Variants in OCLN observed in about 807,000 individuals in gnomAD.
The protein encoded by OCLN is phosphatase 1, regulatory subunit 115.
A neutral mutation model predicts 47.9 loss-of-function variants in OCLN; 21 were observed. That is an observed-to-expected ratio of 0.44 (90% confidence interval 0.31 to 0.63). The LOEUF is 0.63. Ranked by LOEUF, OCLN falls within the 30% of genes least tolerant of loss-of-function variation. The pLI is 0.08. For synonymous variants in OCLN, 117 were observed against 198.4 expected, an observed-to-expected ratio of 0.59 and a Z score of 3.45; for missense variants, 360 against 571.0, an observed-to-expected ratio of 0.63 and a Z score of 3.77.
chr5:69,496,382 G>A (rs549644910), intron 1 of OCLN, among the ~76,000 whole-genome samples: 128 of 152,168 alleles, frequency 8.4e-4, no homozygotes, highest in Non-Finnish European at 1.5e-3. Flanking sequence ...ACAGGCGTGA[G>A]CCACCGCGCC....
At chr5:69,512,036 A>G (rs28421176) in intron 3 of OCLN, among the ~76,000 whole-genome samples, 27 of 147,604 alleles carry the variant, frequency 1.8e-4, no homozygotes, top group Non-Finnish European at 1.0e-4. Context: ...AAAAAAAAAA[A>G]AAAAAAAAAT....
chr5:69,492,633 C>G (rs1270408893), upstream of OCLN: 1 of 152,410 alleles, frequency 6.6e-6, no homozygotes, highest in Admixed American at 6.5e-5. Context: ...GTCCAGAGCG[C>G]CGAGGAGCCG....
chr5:69,532,183 G>A (rs866629221), intron 4 of OCLN, among the ~76,000 whole-genome samples: 25 of 151,168 alleles, frequency 1.7e-4, no homozygotes, highest in Middle Eastern at 3.4e-3. Context: ...AGGCTTTATA[G>A]AATTTGTGGT....
At chr5:69,517,319 T>A (rs1434952001) in intron 4 of OCLN, among the ~76,000 whole-genome samples, 35 of 140,102 alleles carry the variant, frequency 2.5e-4, no homozygotes, top group African/African-American at 7.0e-4. Context: ...TATATATTTT[T>A]TTTTTTTTTG....
chr5:69,509,575 G>A lies in OCLN; in HGVS notation c.485G>A (p.Arg162Lys). The part of the protein sequence containing the change: ...ALVIFVTSVI[R>K]SEMSRTRRYY... The stretch of plus-strand genomic sequence containing the variant: ...GTGATCTTTGTTACCAGTGTTATAA[G>A]ATCTGAAATGTCCAGAACAAGAAGA... The change falls in exon 3 of 9, where the codon AGA (arginine) becomes AAA (lysine). Residue 162 changes from arginine (R) to lysine (K), a missense_variant. Physicochemically the swap from Arg to Lys is conservative, Grantham distance 26. Coordinates refer to ENST00000396442, the MANE Select transcript of OCLN (RefSeq NM_001205254.2). 6.2e-7 allele frequency: 1 copy of A among 1,614,184 alleles called. No homozygotes were observed. The highest frequency in any genetic ancestry group is 8.5e-7 in the Non-Finnish European group (1 of 1,180,034).
chr5:69,514,604 G>A (rs78344280), intron 4 of OCLN, among the ~76,000 whole-genome samples: 70 of 149,204 alleles, frequency 4.7e-4, no homozygotes, highest in South Asian at 1.1e-3. Context: ...GGACAATAGT[G>A]GAGGGAGGGT....
chr5:69,527,170 A>G (rs1333057083), intron 4 of OCLN, among the ~76,000 whole-genome samples: 1 of 152,008 alleles, frequency 6.6e-6, no homozygotes, highest in Non-Finnish European at 1.5e-5. Flanking sequence ...CCAGCTACTC[A>G]GGAGGCTGAG....
chr5:69,533,176 T>G (rs183743387), intron 4 of OCLN, among the ~76,000 whole-genome samples: 1 of 151,728 alleles, frequency 6.6e-6, no homozygotes, highest in Non-Finnish European at 1.5e-5. Flanking sequence ...TGGCTGTGCT[T>G]TTTATGTTTA....
intron 1 of OCLN, among the ~76,000 whole-genome samples, chr5:69,495,664 C>G (rs944995446): frequency 2.6e-5 from 4 of 151,708 alleles, no homozygotes; most frequent in African/African-American, 7.3e-5. Context: ...AAATGATGGT[C>G]AAAATAGACA....
intron 4 of OCLN, among the ~76,000 whole-genome samples, chr5:69,514,979 C>G (rs1208930268): frequency 2.0e-5 from 3 of 152,236 alleles, no homozygotes; most frequent in Non-Finnish European, 4.4e-5. Flanking sequence ...CCGCCTTTCC[C>G]CCCTTTCTAT....
intron 2 of OCLN, among the ~76,000 whole-genome samples, chr5:69,506,236 G>A (rs569595148): frequency 2.0e-5 from 3 of 152,316 alleles, no homozygotes; most frequent in African/African-American, 7.2e-5. Flanking sequence ...CTTGAGCCCA[G>A]GAGTTTGAGG....
chr5:69,519,315 A>T (rs1342205631), intron 4 of OCLN, among the ~76,000 whole-genome samples: 1 of 152,196 alleles, frequency 6.6e-6, no homozygotes, highest in Non-Finnish European at 1.5e-5. Flanking sequence ...CCCACCTCTC[A>T]GAGCAGAGGG....
At chr5:69,522,269 A>AT (rs1769158910) in intron 4 of OCLN, among the ~76,000 whole-genome samples, 2 of 152,016 alleles carry the variant, frequency 1.3e-5, no homozygotes, top group Admixed American at 6.6e-5. Flanking sequence ...TTAAAGTTTT[A>AT]TTTTTTTTAC....
At chr5:69,497,157 G>A (rs1452399464) in intron 1 of OCLN, among the ~76,000 whole-genome samples, 2 of 152,102 alleles carry the variant, frequency 1.3e-5, no homozygotes. Flanking sequence ...ATTGTTGTTA[G>A]TTATTTTCGG....
At chr5:69,535,021 A>G (rs1769544406) in intron 5 of OCLN, among the ~76,000 whole-genome samples, 182 bp downstream of exon 5, 1 of 151,654 alleles carries the variant, frequency 6.6e-6, no homozygotes. Context: ...TACTTGGAAG[A>G]CCAGGATGAG....
At chr5:69,497,427 C>T (rs1768329269) in intron 1 of OCLN, among the ~76,000 whole-genome samples, 4 of 128,566 alleles carry the variant, frequency 3.1e-5, no homozygotes, top group South Asian at 2.6e-4. Context: ...CTCACTGTGT[C>T]GCCAGGCTGG....
At chr5:69,525,735 T>A (rs1769261839) in intron 4 of OCLN, among the ~76,000 whole-genome samples, 1 of 152,192 alleles carries the variant, frequency 6.6e-6, no homozygotes, top group Non-Finnish European at 1.5e-5. Context: ...GCGTGATCAT[T>A]AGTGTCCTTT....
intron 1 of OCLN, among the ~76,000 whole-genome samples, chr5:69,494,185 T>TTGTG (rs71787949): frequency 6.6e-6 from 1 of 151,372 alleles, no homozygotes; most frequent in African/African-American, 2.4e-5. Flanking sequence ...TATGAGGTGC[T>TTGTG]TGTGTGTGTG....
chr5:69,530,346 T>C (rs747098068), intron 4 of OCLN, among the ~76,000 whole-genome samples: 4 of 152,198 alleles, frequency 2.6e-5, no homozygotes, highest in Admixed American at 6.5e-5. Flanking sequence ...GGACTCCTTG[T>C]AGAAATGAGC....
Sources: allele counts gnomAD v4.1 joint callset (sites outside exome capture counted in the v4.1 genomes callset), GRCh38; gene constraint gnomAD v4.1.1; transcripts MANE v1.5; gene names NCBI Gene and HGNC (gene_info 2026-07-23, HGNC 2026-07-21).